Variants in MTUS2 observed in about 807,000 individuals in gnomAD.
MTUS2 encodes microtubule associated scaffold protein 2.
Under a neutral mutation model 114.1 loss-of-function variants are expected in MTUS2, and 40 were observed. The ratio of observed to expected loss-of-function variants is 0.35; its 90% CI spans 0.27 to 0.46. MTUS2 has a LOEUF of 0.46. MTUS2 is among the 20% of genes least tolerant of loss of function. The probability of loss-of-function intolerance (pLI) is 1.00; values close to 1 mark genes in which losing one functional copy is unlikely to be tolerated. For missense variants in MTUS2, 1,679 were observed against 1,705.4 expected (o/e 0.98, Z 0.27); for synonymous variants, 688 against 672.0 (o/e 1.02, Z -0.37).
At chr13:29,379,921 C>T (rs1436795716) in intron 8 of MTUS2, among the ~76,000 whole-genome samples, 1 of 152,176 alleles carries the variant, frequency 6.6e-6, no homozygotes, top group Non-Finnish European at 1.5e-5. Flanking sequence ...TCATACATGT[C>T]ACATGCCTTT....
intron 9 of MTUS2, among the ~76,000 whole-genome samples, chr13:29,456,933 G>T (rs1221128043): frequency 6.6e-6 from 1 of 151,666 alleles, no homozygotes; most frequent in Non-Finnish European, 1.5e-5. Flanking sequence ...GTCAGGAGAT[G>T]GAGACCATCC....
At chr13:29,074,121 C>G (rs1036749394) in intron 4 of MTUS2, among the ~76,000 whole-genome samples, 1 of 152,134 alleles carries the variant, frequency 6.6e-6, no homozygotes, top group Non-Finnish European at 1.5e-5. Flanking sequence ...AGTTCTCCCT[C>G]CTTTAAAATT....
Position 29,058,376 on chromosome 13 carries a change from A to G in MTUS2, c.2446+24251A>G, listed in dbSNP as rs186030013. Among the ~76,000 whole-genome samples the G allele has an allele frequency of 4.5e-4, 69 of 151,936 alleles. 2 individuals carry two copies. In the East Asian group the frequency reaches 0.013, roughly 29 times the overall value. ...GGTGATATCCTCAAATATGTTTTCC[A>G]AATTGCTTGTTTACTCTCCCTTTCT... On this transcript the variant is annotated intron_variant, in intron 4 of 15. Transcript: ENST00000612955.
intron 2 of MTUS2, among the ~76,000 whole-genome samples, chr13:28,902,529 A>G (rs1286444464): frequency 6.6e-6 from 1 of 151,988 alleles, no homozygotes; most frequent in East Asian, 1.9e-4. Context: ...TGCTGAGAGT[A>G]TTTGTCATGA....
At chr13:29,402,281 T>G (rs1020711264) in intron 8 of MTUS2, among the ~76,000 whole-genome samples, 20 of 152,152 alleles carry the variant, frequency 1.3e-4, no homozygotes, top group Non-Finnish European at 1.5e-5. Flanking sequence ...ACAAGAACTC[T>G]ACCAAATAGC....
chr13:29,317,274 T>G (rs528645142), intron 6 of MTUS2, among the ~76,000 whole-genome samples: 49 of 152,198 alleles, frequency 3.2e-4, no homozygotes, highest in Non-Finnish European at 5.4e-4. Context: ...ACCTTCCCAG[T>G]ATTCAGATTG....
At chr13:29,117,737 AT>A (rs1229181123) in intron 5 of MTUS2, among the ~76,000 whole-genome samples, 1 of 152,196 alleles carries the variant, frequency 6.6e-6, no homozygotes, top group Non-Finnish European at 1.5e-5. Context: ...GAGTTGACAC[AT>A]CAGACAGCTG....
At chr13:29,011,142 T>C (rs1413825635) in intron 2 of MTUS2, among the ~76,000 whole-genome samples, 1 of 152,236 alleles carries the variant, frequency 6.6e-6, no homozygotes, top group Non-Finnish European at 1.5e-5. Context: ...TGGAATTTCT[T>C]TGAGCGTCTT....
Position 29,025,950 on chromosome 13 carries a change from G to T in MTUS2, c.1252G>T (p.Ala418Ser). 3 of 1,614,042 alleles carry T rather than the reference G, an allele frequency of 1.9e-6. No individual in the cohort carries two copies. The highest frequency in any genetic ancestry group is 2.5e-6 in the Non-Finnish European group (3 of 1,179,898). ...GCCCACTGGCAAAATTTCACCATGT[G>T]CAGGTGAGAAGTTGGGTGAAAGGAC... ...NQPTGKISPC[A>S]GEKLGERTSS... The change falls in exon 3 of 16, where the codon GCA becomes TCA. Residue 418 changes from alanine to serine, a missense_variant. Coordinates refer to ENST00000612955, the MANE Select transcript of MTUS2 (RefSeq NM_001033602.4).
rs1886488949 is a variant in MTUS2, at chr13:29,025,499, G to A, written c.801G>A (p.Leu267=). Residue 267 remains leucine (L), a synonymous_variant, in exon 3 of 16, where the codon CTG becomes CTA. Transcript: ENST00000612955. The part of the protein sequence containing the change: ...SETQTVGAHV[L]QVCSEHTSHS... ...CCCAAACAGTGGGGGCACATGTACT[G>A]CAGGTGTGCAGTGAGCACACATCAC... The A allele has an allele frequency of 1.2e-6, 2 of 1,613,516 alleles. No individual in the cohort carries two copies. The highest frequency in any genetic ancestry group is 1.7e-6 in the Non-Finnish European group (2 of 1,179,670).
At chr13:28,998,482 G>A (rs138434207) in intron 2 of MTUS2, among the ~76,000 whole-genome samples, 2,693 of 152,328 alleles carry the variant, frequency 0.018, 82 homozygotes, top group African/African-American at 0.061. Flanking sequence ...GTCGTGCAGA[G>A]TGTTTTCCAA....
At chr13:29,301,103 T>C (rs1309070545) in intron 6 of MTUS2, among the ~76,000 whole-genome samples, 1 of 152,200 alleles carries the variant, frequency 6.6e-6, no homozygotes, top group African/African-American at 2.4e-5. Context: ...TGCTAATCAA[T>C]AGTCACCCAA....
chr13:29,416,824 G>GGTTTT (rs149147098), intron 8 of MTUS2, among the ~76,000 whole-genome samples: 656 of 48,974 alleles, frequency 0.013, 3 homozygotes, highest in South Asian at 0.087. Context: ...TTTGCCTAGA[G>GGTTTT]GTTTTGTTTT....
intron 2 of MTUS2, among the ~76,000 whole-genome samples, chr13:28,875,214 A>G (rs1877859723): frequency 6.6e-6 from 1 of 152,192 alleles, no homozygotes; most frequent in Non-Finnish European, 1.5e-5. Context: ...ATGGATGCTC[A>G]GTAAAAATGT....
chr13:28,905,428 C>T (rs1310366923), intron 2 of MTUS2, among the ~76,000 whole-genome samples: 1 of 151,630 alleles, frequency 6.6e-6, no homozygotes, highest in African/African-American at 2.4e-5. Context: ...AGATACATCC[C>T]ATCAATACCT....
chr13:29,319,743 A>G (rs1900173198), intron 6 of MTUS2, among the ~76,000 whole-genome samples: 1 of 152,190 alleles, frequency 6.6e-6, no homozygotes, highest in Non-Finnish European at 1.5e-5. Flanking sequence ...AGGAGCTGTC[A>G]GGCCTAGTAC....
chr13:28,851,676 T>C (rs1876279117), intron 2 of MTUS2, among the ~76,000 whole-genome samples: 1 of 152,162 alleles, frequency 6.6e-6, no homozygotes, highest in Non-Finnish European at 1.5e-5. Context: ...TTAAAAAATA[T>C]ACAAAATTAC....
In MTUS2 at chr13:29,380,936, A is replaced by G. The variant is rs996540095; in HGVS notation, c.3117+21463A>G. Among the ~76,000 whole-genome samples, 18 of 151,422 alleles carry G rather than the reference A, an allele frequency of 1.2e-4. 4 individuals are homozygous for G. The highest frequency in any genetic ancestry group is 3.9e-4 in the African/African-American group (16 of 41,210). ...AGACTCCGTCTCAAAAAAAAAAAAA[A>G]AAAAAAAAAAAAGACATCAGCTTTG... is the stretch of plus-strand genomic sequence containing the variant. On this transcript the variant is annotated intron_variant, in intron 8 of 15. Transcript: ENST00000612955.
chr13:28,838,597 C>T (rs1190280892), intron 1 of MTUS2, among the ~76,000 whole-genome samples: 1 of 152,182 alleles, frequency 6.6e-6, no homozygotes, highest in Non-Finnish European at 1.5e-5. Flanking sequence ...CCATCTGCCC[C>T]CTGCATCTTG....
Sources: allele counts gnomAD v4.1 joint callset (sites outside exome capture counted in the v4.1 genomes callset), GRCh38; gene constraint gnomAD v4.1.1; transcripts MANE v1.5; gene names NCBI Gene and HGNC (gene_info 2026-07-23, HGNC 2026-07-21).